Variants in AGBL1 observed in about 807,000 individuals in gnomAD.
The protein encoded by AGBL1 is cytosolic carboxypeptidase 4.
Under a neutral mutation model 118.9 loss-of-function variants are expected in AGBL1, and 130 were observed. The observed-to-expected ratio is 1.09, with a 90% CI of 0.95 to 1.26. The LOEUF is 1.26. Ranked by LOEUF, AGBL1 falls within the 50% of genes most tolerant of loss-of-function variation. AGBL1 has a pLI of 0.00. For missense variants in AGBL1, 1,584 were observed against 1,298.1 expected (o/e 1.22, Z -3.38); for synonymous variants, 555 against 478.9 (o/e 1.16, Z -2.08).
In AGBL1 at chr15:86,337,958, A is replaced by G. The variant is rs574398210; in HGVS notation, c.2374+42550A>G. Among the ~76,000 whole-genome samples, 553 of 152,354 alleles carry G rather than the reference A, an allele frequency of 3.6e-3. 2 individuals carry two copies. Among genetic ancestry groups the G allele is most frequent in the African/African-American group, 0.013 (529 of 41,578 alleles). ...ACCAAATATTTATCAAGTGTCTGGT[A>G]TATGCCAGACACTTCTAGTCAGGAG... On this transcript the variant is annotated intron_variant, in intron 17 of 22. Transcript: ENST00000614907.
At chr15:86,534,822 G>A (rs2083402266) in intron 19 of AGBL1, among the ~76,000 whole-genome samples, 1 of 152,154 alleles carries the variant, frequency 6.6e-6, no homozygotes, top group East Asian at 1.9e-4. Flanking sequence ...GTCTGTTTAT[G>A]TAAAGTATAA....
At chr15:86,327,109 CTG>C (rs997785146) in intron 17 of AGBL1, among the ~76,000 whole-genome samples, 3 of 152,014 alleles carry the variant, frequency 2.0e-5, no homozygotes, top group Admixed American at 6.6e-5. Flanking sequence ...GTAAGGAAGA[CTG>C]TGGATTTCTG....
intron 19 of AGBL1, among the ~76,000 whole-genome samples, chr15:86,535,788 A>G (rs923956552): frequency 5.3e-5 from 8 of 152,230 alleles, no homozygotes; most frequent in South Asian, 2.1e-4. Context: ...AGGAGATGAA[A>G]AAAAGGATGG....
chr15:86,482,537 G>A (rs958585241), intron 18 of AGBL1, among the ~76,000 whole-genome samples: 8 of 152,028 alleles, frequency 5.3e-5, no homozygotes, highest in East Asian at 3.9e-4. Context: ...GGTGACTTTC[G>A]ATACCTATAA....
chr15:86,120,209 C>T (rs936243564), intron 1 of AGBL1, among the ~76,000 whole-genome samples: 1 of 152,124 alleles, frequency 6.6e-6, no homozygotes, highest in East Asian at 1.9e-4. Context: ...AGATATGTTG[C>T]AATGTTCTTT....
chr15:86,406,199 T>C (rs2081527793), intron 18 of AGBL1, among the ~76,000 whole-genome samples: 1 of 151,966 alleles, frequency 6.6e-6, no homozygotes, highest in Non-Finnish European at 1.5e-5. Flanking sequence ...ACAGAAAGAG[T>C]GTGTTTCTTT....
At chr15:86,758,549 T>C (rs753674471) in intron 22 of AGBL1, among the ~76,000 whole-genome samples, 4 of 152,114 alleles carry the variant, frequency 2.6e-5, no homozygotes, top group Non-Finnish European at 5.9e-5. Flanking sequence ...TCTAAGTAAC[T>C]GGGACTTAGG....
At chr15:87,027,680 C>G (rs143812207) in intron 24 of AGBL1, among the ~76,000 whole-genome samples, 16,785 of 151,870 alleles carry the variant, frequency 0.11, 1,042 homozygotes, top group East Asian at 0.15. Flanking sequence ...GGTACATATA[C>G]GCCATGGAAT....
At chr15:86,234,838 A>G (rs1387930700) in intron 6 of AGBL1, among the ~76,000 whole-genome samples, 2 of 152,320 alleles carry the variant, frequency 1.3e-5, no homozygotes, top group Non-Finnish European at 2.9e-5. Context: ...TGTCATCACC[A>G]TTTCAAAAGT....
At chr15:86,095,965 A>G (rs1896353269) in intron 1 of AGBL1, among the ~76,000 whole-genome samples, 1 of 152,118 alleles carries the variant, frequency 6.6e-6, no homozygotes, top group Admixed American at 6.5e-5. Flanking sequence ...CCTAAACTTT[A>G]ATCATTTGCA....
chr15:86,307,318 T>C (rs1284945219), intron 17 of AGBL1, among the ~76,000 whole-genome samples: 1 of 152,230 alleles, frequency 6.6e-6, no homozygotes, highest in Non-Finnish European at 1.5e-5. Flanking sequence ...ATATTAGGAA[T>C]ATTCCTCTGT....
At chr15:86,422,792 T>G (rs980233427) in intron 18 of AGBL1, among the ~76,000 whole-genome samples, 7 of 152,112 alleles carry the variant, frequency 4.6e-5, no homozygotes, top group African/African-American at 1.4e-4. Flanking sequence ...AAATACAAAC[T>G]ACCATCAGAT....
At chr15:87,031,445 A>G (rs2081781601), downstream of AGBL1, among the ~76,000 whole-genome samples, 1 of 151,844 alleles carries the variant, frequency 6.6e-6, no homozygotes, top group Non-Finnish European at 1.5e-5. Context: ...TAAAAAATGT[A>G]ACTTCATGTC....
At chr15:86,736,853 C>T (rs1567148099) in intron 22 of AGBL1, among the ~76,000 whole-genome samples, 1 of 152,074 alleles carries the variant, frequency 6.6e-6, no homozygotes. Flanking sequence ...TTTTTTCTCT[C>T]TAAACTCCTA....
At chr15:86,472,371 C>T (rs543170458) in intron 18 of AGBL1, among the ~76,000 whole-genome samples, 61 of 152,210 alleles carry the variant, frequency 4.0e-4, no homozygotes, top group African/African-American at 9.9e-4. Flanking sequence ...ATATCCTCTC[C>T]GACATCTGAT....
At chr15:86,250,625 T>A (rs535192073) in intron 7 of AGBL1, among the ~76,000 whole-genome samples, 163 of 149,790 alleles carry the variant, frequency 1.1e-3, no homozygotes, top group African/African-American at 3.9e-3. Flanking sequence ...AAGTCAGATG[T>A]TTGACATTCT....
chr15:86,749,858 G>A (rs2077819269), intron 22 of AGBL1, among the ~76,000 whole-genome samples: 1 of 152,130 alleles, frequency 6.6e-6, no homozygotes, highest in African/African-American at 2.4e-5. Flanking sequence ...CAGGGATGAA[G>A]CCCACTTGAT....
intron 5 of AGBL1, among the ~76,000 whole-genome samples, chr15:86,176,294 G>C (rs12902410): frequency 0.16 from 23,943 of 152,084 alleles, 2,199 homozygotes; most frequent in Admixed American, 0.2. Context: ...TGTGGTCATG[G>C]TGGTGGCAGT....
Position 86,883,220 on chromosome 15 carries a change from T to G in AGBL1, c.3159-23867T>G, listed in dbSNP as rs981099775. On this transcript the variant is annotated intron_variant, in intron 22 of 22. Coordinates refer to ENST00000614907, the MANE Select transcript of AGBL1 (RefSeq NM_001386094.1). ...ATAATTACATCTAATGCTAATAAAA[T>G]GGAGTGTGCTTCAGCATCTTCTTTA... 2.0e-5 allele frequency among the ~76,000 whole-genome samples: 3 copies of G among 152,236 alleles called. No homozygotes were observed. In the East Asian group the frequency reaches 5.8e-4, roughly 29 times the overall value.
Sources: allele counts gnomAD v4.1 joint callset (sites outside exome capture counted in the v4.1 genomes callset), GRCh38; gene constraint gnomAD v4.1.1; transcripts MANE v1.5; gene names NCBI Gene and HGNC (gene_info 2026-07-23, HGNC 2026-07-21).